Variants in ZNF615 observed in about 807,000 individuals in gnomAD.
ZNF615 encodes zinc finger protein 615.
Under a neutral mutation model 15.3 loss-of-function variants are expected in ZNF615, and 15 were observed. The ratio of observed to expected loss-of-function variants is 0.98; its 90% CI spans 0.66 to 1.51. The LOEUF (loss-of-function observed/expected upper bound fraction) is 1.51. ZNF615 is among the 40% of genes most tolerant of loss of function. The pLI is 0.00. For synonymous variants in ZNF615, 268 were observed against 294.6 expected (o/e 0.91, Z 0.92); for missense variants, 848 against 895.9 (o/e 0.95, Z 0.68).
rs752057860 is a variant in ZNF615 at position 52,002,197 on chromosome 19, G to A, written c.100C>T (p.Arg34Trp). 56 of 1,614,050 alleles carry A rather than the reference G, an allele frequency of 3.5e-5. No homozygotes were observed. Among genetic ancestry groups the A allele is most frequent in the Middle Eastern group, 3.3e-4 (2 of 6,084 alleles). The change falls in exon 4 of 7, where the codon CGG (arginine) becomes TGG (tryptophan). Residue 34 changes from arginine to tryptophan, a missense_variant. Coordinates refer to ENST00000598071, the MANE Select transcript of ZNF615 (RefSeq NM_001199324.2). ...CTGTAGTTCTCCAACATCACGTCCC[G>A]GTACAGGTCCTTCTGAGCAGGGCTC... ...FLSPAQKDLY[R>W]DVMLENYSNL...
chr19:52,001,474 T>C (rs1490481034), intron 5 of ZNF615, among the ~76,000 whole-genome samples: 4 of 151,850 alleles, frequency 2.6e-5, no homozygotes, highest in Admixed American at 2.0e-4. Context: ...AAAAATTAGC[T>C]GGGCGTGGTG....
At chr19:51,995,404 AATTTGGCAGG>A in intron 6 of ZNF615, among the ~76,000 whole-genome samples, 1 of 152,254 alleles carries the variant, frequency 6.6e-6, no homozygotes, top group South Asian at 2.1e-4. Flanking sequence ...GGAACCCCAA[AATTTGGCAGG>A]ATACCAGACC....
chr19:52,003,029 G>A (rs905720265), intron 3 of ZNF615, among the ~76,000 whole-genome samples: 2 of 151,950 alleles, frequency 1.3e-5, no homozygotes, highest in African/African-American at 2.4e-5. Flanking sequence ...GTTTCACCAC[G>A]TTGGCCAGGC....
rs1218106825 is a variant in ZNF615 at position 51,993,384 on chromosome 19, T to C, written c.1725A>G (p.Gly575=). The change falls in exon 7 of 7, where the codon GGA becomes GGG. Residue 575 remains glycine, a synonymous_variant. Coordinates refer to ENST00000598071, the MANE Select transcript of ZNF615 (RefSeq NM_001199324.2). ...ATTCACTGCATACATAGGGTTTCTC[T>C]CCTGTATGAGTGCGCCGATGTACAT... ...HLNVHRRTHT[G]EKPYVCSECG... The C allele has an allele frequency of 6.2e-7, 1 of 1,614,096 alleles. No homozygotes were observed. The highest frequency in any genetic ancestry group is 1.7e-5 in the Admixed American group (1 of 60,012).
chr19:51,995,788 T>TCTTGAA (rs1555771093), intron 6 of ZNF615, among the ~76,000 whole-genome samples: 31,585 of 151,488 alleles, frequency 0.21, 3,882 homozygotes, highest in African/African-American at 0.34. Flanking sequence ...TCTAGGCTGG[T>TCTTGAA]CTCACAAGCT....
At chr19:52,007,031 A>G (rs964448170) in intron 2 of ZNF615, among the ~76,000 whole-genome samples, 3 of 152,210 alleles carry the variant, frequency 2.0e-5, no homozygotes, top group Non-Finnish European at 4.4e-5. Context: ...AAATGTTCCT[A>G]AAAATAATAC....
chr19:52,001,823 T>C lies in ZNF615; in HGVS notation c.228A>G (p.Arg76=). 1 of 1,613,992 alleles carries C rather than the reference T, an allele frequency of 6.2e-7. No individual in the cohort carries two copies. Among genetic ancestry groups the C allele is most frequent in the South Asian group, 1.1e-5 (1 of 91,076 alleles). ...TCTTEDEIYS[R]ICSDSGGASG... ...GCTCCTCTCACTCACCAGAACAGAT[T>C]CGAGAGTAGATTTCATCTTCTGTTG... The change falls in exon 5 of 7, where the codon CGA becomes CGG. Residue 76 remains arginine, a synonymous_variant. Transcript: ENST00000598071.
rs550460438 is a variant in ZNF615, at chr19:52,001,909, C to G, written c.143-1G>C. 5 of 1,614,078 alleles carry G rather than the reference C, an allele frequency of 3.1e-6. No homozygotes were observed. In the African/African-American group the frequency reaches 5.3e-5, roughly 17 times the overall value. ...GCATCTGGTTTGCTGGCTTGATACC[C>G]TGTTCATGGGAAATGACAGAAGATT... On this transcript the variant is annotated splice_acceptor_variant, in intron 4 of 6. Coordinates refer to ENST00000598071, the MANE Select transcript of ZNF615 (RefSeq NM_001199324.2). LOFTEE classifies it high-confidence loss of function.
At chr19:52,007,184 C>T (rs905623366) in intron 2 of ZNF615, 109 bp downstream of exon 2, 6 of 585,474 alleles carry the variant, frequency 1.0e-5, no homozygotes, top group Non-Finnish European at 1.3e-5. Flanking sequence ...ATAATAGTAC[C>T]ATTTACATAA....
At chr19:52,007,601 G>A (rs890784182) in intron 1 of ZNF615, among the ~76,000 whole-genome samples, 2 of 152,132 alleles carry the variant, frequency 1.3e-5, no homozygotes, top group African/African-American at 4.8e-5. Context: ...CCCATCACCT[G>A]CCATGGTTCC....
At chr19:51,997,232 G>T (rs1270356046) in intron 6 of ZNF615, among the ~76,000 whole-genome samples, 2 of 152,098 alleles carry the variant, frequency 1.3e-5, no homozygotes, top group Non-Finnish European at 2.9e-5. Context: ...TTGAGCCCAG[G>T]AGATTGAGGC....
In ZNF615 at chr19:51,994,282, C is replaced by T. The variant is rs1161258842; in HGVS notation, c.827G>A (p.Cys276Tyr). ...TELKHYECTECDKTFLKKSQL... is the reference protein window; with the variant it reads ...TELKHYECTEYDKTFLKKSQL... Reference sequence around the variant, plus strand: ...TGATTTCTTGAGGAAGGTTTTGTCACATTCAGTGCATTCATAATGTTTCAG... The same window carrying T: ...TGATTTCTTGAGGAAGGTTTTGTCATATTCAGTGCATTCATAATGTTTCAG... Residue 276 changes from cysteine (C) to tyrosine (Y), a missense_variant, in exon 7 of 7, where the codon TGT becomes TAT. Cys to Tyr is a radical substitution (Grantham distance 194, BLOSUM62 -2). Coordinates refer to ENST00000598071, the MANE Select transcript of ZNF615 (RefSeq NM_001199324.2). The T allele has an allele frequency of 6.2e-7, 1 of 1,614,144 alleles. No homozygotes were observed. The highest frequency in any genetic ancestry group is 2.2e-5 in the East Asian group (1 of 44,882).
rs372966480 is a variant in ZNF615, at chr19:51,995,927, TAAAG to T, written c.272-1094_272-1091del. ...ATGAAATCACAAGGAAGCAAAAAAA[TAAAG>T]AAGGTAATTGCATTTTGTGAAATGT... On this transcript the variant is annotated intron_variant, in intron 6 of 6. Coordinates refer to ENST00000598071, the MANE Select transcript of ZNF615 (RefSeq NM_001199324.2). Among the ~76,000 whole-genome samples the T allele has an allele frequency of 3.0e-3, 449 of 151,894 alleles. 2 individuals are homozygous for T. Among genetic ancestry groups the T allele is most frequent in the Middle Eastern group, 0.014 (4 of 292 alleles).
intron 2 of ZNF615, among the ~76,000 whole-genome samples, chr19:52,005,002 T>G (rs7257363): frequency 0.42 from 63,303 of 151,968 alleles, 15,184 homozygotes; most frequent in African/African-American, 0.65. Context: ...GGCTCACGCC[T>G]GTAATCCCAA....
chr19:51,998,701 C>G (rs369903070), intron 6 of ZNF615, among the ~76,000 whole-genome samples: 7 of 152,252 alleles, frequency 4.6e-5, no homozygotes, highest in African/African-American at 1.7e-4. Context: ...GTCATCCAGC[C>G]TGGAGTGCAG....
At chr19:51,998,549 G>A (rs12459638) in intron 6 of ZNF615, among the ~76,000 whole-genome samples, 20,748 of 152,182 alleles carry the variant, frequency 0.14, 1,560 homozygotes, top group South Asian at 0.27. Flanking sequence ...TGGTTATATG[G>A]TTACTTCTAA....
chr19:52,001,052 G>C (rs1478736589), intron 5 of ZNF615, among the ~76,000 whole-genome samples: 1 of 151,972 alleles, frequency 6.6e-6, no homozygotes, highest in Non-Finnish European at 1.5e-5. Flanking sequence ...GAGAAAATGA[G>C]GGAAAATAAT....
At chr19:51,996,385 C>CAAAAAAAAAAA (rs1172310589) in intron 6 of ZNF615, among the ~76,000 whole-genome samples, 17 of 33,310 alleles carry the variant, frequency 5.1e-4, no homozygotes, top group African/African-American at 1.8e-3. Flanking sequence ...GACTCTGTCT[C>CAAAAAAAAAAA]AAAAAAAAAA....
At chr19:52,002,882 A>T (rs184812901) in intron 3 of ZNF615, among the ~76,000 whole-genome samples, 1 of 151,126 alleles carries the variant, frequency 6.6e-6, no homozygotes, top group Non-Finnish European at 1.5e-5. Flanking sequence ...GCTGGAGTGC[A>T]GTGGCACAAT....
Sources: gnomAD v4.1 joint callset for allele counts (sites outside exome capture counted in the v4.1 genomes callset) on GRCh38, gnomAD v4.1.1 for gene constraint, MANE v1.5 for transcripts, NCBI Gene and HGNC (gene_info 2026-07-23, HGNC 2026-07-21) for gene names.